Variants in KIAA1328 observed in about 807,000 individuals in gnomAD.
KIAA1328 encodes the protein protein hinderin.
Under a neutral mutation model 68.1 loss-of-function variants are expected in KIAA1328, and 52 were observed. The ratio of observed to expected loss-of-function variants is 0.76; its 90% CI spans 0.61 to 0.96. The LOEUF (loss-of-function observed/expected upper bound fraction) is 0.96, where lower values mean the gene tolerates loss of function less well. KIAA1328 is among the 40% of genes least tolerant of loss of function. KIAA1328 has a pLI of 0.00. For synonymous variants in KIAA1328, 232 were observed against 239.4 expected, an observed-to-expected ratio of 0.97 and a Z score of 0.28; for missense variants, 641 against 677.6, an observed-to-expected ratio of 0.95 and a Z score of 0.60.
intron 7 of KIAA1328, among the ~76,000 whole-genome samples, chr18:37,126,077 C>T (rs1206371238): frequency 3.3e-5 from 5 of 152,104 alleles, no homozygotes; most frequent in African/African-American, 4.8e-5. Flanking sequence ...GTGGCTGATG[C>T]CTTTGTTTTC....
chr18:37,045,288 A>C (rs1256395298), intron 6 of KIAA1328, among the ~76,000 whole-genome samples: 1 of 152,224 alleles, frequency 6.6e-6, no homozygotes, highest in Non-Finnish European at 1.5e-5. Context: ...TAGCCTTACC[A>C]AGCAGCTGCA....
At chr18:36,844,923 T>G (rs1478456003) in intron 4 of KIAA1328, among the ~76,000 whole-genome samples, 2 of 151,802 alleles carry the variant, frequency 1.3e-5, no homozygotes, top group Admixed American at 1.3e-4. Context: ...AAAGTTAAAT[T>G]TACGGAGAGA....
intron 6 of KIAA1328, among the ~76,000 whole-genome samples, chr18:37,061,784 C>T (rs925921801): frequency 1.3e-5 from 2 of 152,090 alleles, no homozygotes; most frequent in Admixed American, 6.6e-5. Flanking sequence ...TTTTCAATTT[C>T]TATTGTCTTC....
intron 4 of KIAA1328, among the ~76,000 whole-genome samples, chr18:36,871,151 A>G (rs1260879774): frequency 6.6e-6 from 1 of 152,204 alleles, no homozygotes; most frequent in Non-Finnish European, 1.5e-5. Context: ...GCCTAGAGGA[A>G]TTTGAAACCT....
intron 7 of KIAA1328, among the ~76,000 whole-genome samples, chr18:37,104,919 T>C (rs2057727581): frequency 6.6e-6 from 1 of 152,240 alleles, no homozygotes; most frequent in Admixed American, 6.5e-5. Flanking sequence ...AGTGTGGCAG[T>C]ATCATTTAAC....
At chr18:36,982,091 A>G (rs1487637150) in intron 6 of KIAA1328, among the ~76,000 whole-genome samples, 2 of 144,938 alleles carry the variant, frequency 1.4e-5, no homozygotes, top group African/African-American at 5.0e-5. Flanking sequence ...TATTTATATT[A>G]TATTATATAT....
At chr18:37,170,388 C>G (rs1157959624) in intron 8 of KIAA1328, among the ~76,000 whole-genome samples, 1 of 152,084 alleles carries the variant, frequency 6.6e-6, no homozygotes, top group Non-Finnish European at 1.5e-5. Context: ...AATAAGTACA[C>G]TAATATAATT....
At chr18:37,141,066 G>A (rs323325) in intron 7 of KIAA1328, among the ~76,000 whole-genome samples, 61,477 of 151,960 alleles carry the variant, frequency 0.4, 14,285 homozygotes, top group African/African-American at 0.64. Context: ...GTTTTTCTGC[G>A]TTTGTCTTCA....
chr18:36,998,140 G>A (rs960844726), intron 6 of KIAA1328, among the ~76,000 whole-genome samples: 3 of 152,038 alleles, frequency 2.0e-5, no homozygotes, highest in Non-Finnish European at 2.9e-5. Flanking sequence ...TCAACTTTGC[G>A]TCCCCCTCCA....
chr18:37,113,532 TG>T (rs1374984709), intron 7 of KIAA1328, among the ~76,000 whole-genome samples: 5 of 152,170 alleles, frequency 3.3e-5, no homozygotes, highest in Admixed American at 6.6e-5. Flanking sequence ...AAGGAACAAC[TG>T]GTACCAGCCA....
intron 7 of KIAA1328, among the ~76,000 whole-genome samples, chr18:37,093,474 T>G (rs2057321872): frequency 6.6e-6 from 1 of 152,074 alleles, no homozygotes; most frequent in African/African-American, 2.4e-5. Flanking sequence ...CAAGTAGAGT[T>G]CCTGGAACTG....
chr18:36,846,133 C>T (rs976637446), intron 4 of KIAA1328, among the ~76,000 whole-genome samples: 1 of 151,506 alleles, frequency 6.6e-6, no homozygotes, highest in Non-Finnish European at 1.5e-5. Flanking sequence ...AAACTGTTTT[C>T]TTTGCTTTCT....
chr18:37,047,364 A>G (rs1018528302), intron 6 of KIAA1328, among the ~76,000 whole-genome samples: 1 of 152,050 alleles, frequency 6.6e-6, no homozygotes, highest in Non-Finnish European at 1.5e-5. Context: ...CACTTGGCTC[A>G]TTGGCCATCT....
chr18:36,893,497 G>A (rs2048771382), intron 5 of KIAA1328, among the ~76,000 whole-genome samples: 2 of 150,722 alleles, frequency 1.3e-5, no homozygotes, highest in Admixed American at 1.3e-4. Context: ...GTGTGTGTGT[G>A]TGTATGTGAG....
At chr18:36,852,463 T>C (rs1222950740) in intron 4 of KIAA1328, among the ~76,000 whole-genome samples, 1 of 152,204 alleles carries the variant, frequency 6.6e-6, no homozygotes, top group Non-Finnish European at 1.5e-5. Context: ...GTAGTAATGC[T>C]GAGGGCAGTC....
At chr18:37,221,977 A>G (rs1403598215) in intron 9 of KIAA1328, 40 bp from the exon 10 acceptor site, 1 of 1,585,170 alleles carries the variant, frequency 6.3e-7, no homozygotes, top group African/African-American at 1.3e-5. Flanking sequence ...TCATTTTCTA[A>G]TAATCTGATC....
At chr18:37,074,256 G>A (rs999928145) in intron 7 of KIAA1328, among the ~76,000 whole-genome samples, 1 of 152,098 alleles carries the variant, frequency 6.6e-6, no homozygotes, top group Non-Finnish European at 1.5e-5. Context: ...CCACATTCAA[G>A]GTTTCTAAGG....
intron 6 of KIAA1328, among the ~76,000 whole-genome samples, chr18:37,057,234 A>G (rs1015243959): frequency 6.6e-6 from 1 of 152,128 alleles, no homozygotes; most frequent in Non-Finnish European, 1.5e-5. Flanking sequence ...CAATTGAAAG[A>G]ATATTTAGTA....
At chr18:37,169,426 A>G (rs1361231870) in intron 8 of KIAA1328, among the ~76,000 whole-genome samples, 1 of 152,062 alleles carries the variant, frequency 6.6e-6, no homozygotes, top group Non-Finnish European at 1.5e-5. Context: ...CGGCCTCCCA[A>G]AGTGCTGGGA....
Sources: gnomAD v4.1 joint callset for allele counts (sites outside exome capture counted in the v4.1 genomes callset) on GRCh38, gnomAD v4.1.1 for gene constraint, MANE v1.5 for transcripts, NCBI Gene and HGNC (gene_info 2026-07-23, HGNC 2026-07-21) for gene names.